The following RP1 variants were observed in gnomAD, a reference collection of about 807,000 sequenced individuals.
RP1 encodes RP1 axonemal microtubule associated, also known as oxygen-regulated protein 1.
In RP1, 16 loss-of-function variants were observed where a neutral mutation model predicts 14.8. The observed-to-expected ratio is 1.08, with a 90% CI of 0.73 to 1.65. The LOEUF (loss-of-function observed/expected upper bound fraction) is 1.65, where lower values mean the gene tolerates loss of function less well. Among genes scored for constraint, RP1 ranks in the 40% most tolerant of loss-of-function variants. The pLI, the probability that RP1 is intolerant of heterozygous loss-of-function variation, is 0.00. For synonymous variants in RP1, 876 were observed against 883.6 expected (o/e 0.99, Z 0.15); for missense variants, 2,631 against 2,535.0 (o/e 1.04, Z -0.81).
chr8:54,849,450 A>C (rs866510954), intron 25 of RP1, among the ~76,000 whole-genome samples: 16 of 152,124 alleles, frequency 1.1e-4, no homozygotes, highest in African/African-American at 3.9e-4. Flanking sequence ...GTGACATTTT[A>C]AATATATCCT....
intron 24 of RP1, among the ~76,000 whole-genome samples, chr8:54,802,972 GA>G (rs1810750079): frequency 6.6e-6 from 1 of 151,480 alleles, no homozygotes; most frequent in African/African-American, 2.4e-5. Flanking sequence ...AAGCTCAAGA[GA>G]GAAAAAAGCT....
intron 25 of RP1, among the ~76,000 whole-genome samples, chr8:54,843,717 C>G (rs186935585): frequency 1.3e-5 from 2 of 152,182 alleles, no homozygotes; most frequent in African/African-American, 4.8e-5. Context: ...GTCGCTCTGA[C>G]TGCAGAGCTC....
chr8:54,640,455 A>C (rs1012852484), intron 3 of RP1, among the ~76,000 whole-genome samples: 1 of 152,036 alleles, frequency 6.6e-6, no homozygotes, highest in South Asian at 2.1e-4. Flanking sequence ...AGGTTCTTTC[A>C]TTTTTCCTTT....
chr8:54,780,831 C>A (rs1011222662), intron 23 of RP1: 3 of 670,752 alleles, frequency 4.5e-6, no homozygotes, highest in Non-Finnish European at 5.5e-6. Context: ...TACTGAGGAA[C>A]AACTGTAGGC....
intron 12 of RP1, among the ~76,000 whole-genome samples, chr8:54,680,961 C>CAAA (rs111593126): frequency 8.2e-6 from 1 of 122,280 alleles, no homozygotes. Flanking sequence ...CTGTCTCGGA[C>CAAA]AAAAAAAAAA....
chr8:54,846,692 A>G (rs1050386440), intron 25 of RP1, among the ~76,000 whole-genome samples: 2 of 152,008 alleles, frequency 1.3e-5, no homozygotes, highest in Non-Finnish European at 2.9e-5. Context: ...GACCAATTCA[A>G]TATACTTTCT....
At position 54,616,207 on chromosome 8, in the gene RP1, G is replaced by A. The variant is rs1805711412; in HGVS notation, c.-13+5G>A. The stretch of plus-strand genomic sequence containing the variant: ...TAAGGGACGTTTCAAGTTGTGGTAA[G>A]TACAAAACTATTTGAAATCTTTCTT... On this transcript the variant is annotated splice_donor_5th_base_variant and intron_variant, in intron 1 of 3. Coordinates refer to ENST00000220676, the MANE Select transcript of RP1 (RefSeq NM_006269.2). 1 of 152,192 alleles carries A rather than the reference G, an allele frequency of 6.6e-6. No homozygotes were observed. Among genetic ancestry groups the A allele is most frequent in the Admixed American group, 6.5e-5 (1 of 15,280 alleles). 9.4% of individuals were successfully genotyped at this position (152,192 alleles called of 1,614,324 possible).
chr8:54,764,133 C>T (rs1167676619), intron 22 of RP1, among the ~76,000 whole-genome samples: 1 of 152,204 alleles, frequency 6.6e-6, no homozygotes, highest in African/African-American at 2.4e-5. Context: ...TCCACCGAAA[C>T]AATTGTGGGC....
chr8:54,690,494 T>C (rs1305769227), intron 12 of RP1, among the ~76,000 whole-genome samples: 1 of 152,030 alleles, frequency 6.6e-6, no homozygotes, highest in Non-Finnish European at 1.5e-5. Context: ...GAAATGGATG[T>C]GCTCTAAATT....
intron 1 of RP1, among the ~76,000 whole-genome samples, chr8:54,617,510 G>A (rs1805748226): frequency 6.6e-6 from 1 of 152,224 alleles, no homozygotes; most frequent in Admixed American, 6.5e-5. Flanking sequence ...GCACTGTATT[G>A]TCAAGACTTA....
chr8:54,762,612 T>C (rs1021609973), intron 22 of RP1, among the ~76,000 whole-genome samples: 11 of 152,252 alleles, frequency 7.2e-5, no homozygotes, highest in African/African-American at 2.7e-4. Context: ...ACTGACTTTA[T>C]GAATTAATGC....
At chr8:54,623,412 A>T (rs1805934771) in intron 3 of RP1, among the ~76,000 whole-genome samples, 1 of 152,192 alleles carries the variant, frequency 6.6e-6, no homozygotes, top group Admixed American at 6.5e-5. Context: ...ACTCTGCAAC[A>T]TTAAAGGGGC....
intron 1 of RP1, among the ~76,000 whole-genome samples, chr8:54,570,164 A>T (rs549751892): frequency 6.6e-6 from 1 of 152,142 alleles, no homozygotes; most frequent in South Asian, 2.1e-4. Context: ...CTCCCCTAAG[A>T]TGTGGAAAAC....
chr8:54,580,931 T>C (rs1804776247), intron 1 of RP1, among the ~76,000 whole-genome samples: 1 of 152,232 alleles, frequency 6.6e-6, no homozygotes, highest in African/African-American at 2.4e-5. Flanking sequence ...ATATACATTT[T>C]TAAGCCTTTG....
intron 24 of RP1, among the ~76,000 whole-genome samples, chr8:54,783,960 T>A (rs1383580838): frequency 6.6e-6 from 1 of 152,176 alleles, no homozygotes; most frequent in African/African-American, 2.4e-5. Context: ...TTAGAACATT[T>A]AAAAATTAGA....
intron 24 of RP1, among the ~76,000 whole-genome samples, chr8:54,801,158 G>C (rs1362624830): frequency 6.6e-6 from 1 of 152,174 alleles, no homozygotes; most frequent in African/African-American, 2.4e-5. Context: ...TTGCCAGAGA[G>C]TGTTTCTCAA....
At position 54,625,468 on chromosome 8, in the gene RP1, C is replaced by A; in HGVS notation, c.1586C>A (p.Ser529Ter). The A allele has an allele frequency of 6.2e-7, 1 of 1,613,744 alleles. No individual in the cohort carries two copies. The highest frequency in any genetic ancestry group is 8.5e-7 in the Non-Finnish European group (1 of 1,179,980). Reference protein sequence around the residue: ...QINNNDQMEESSLERKKENSL... With the variant: ...QINNNDQMEE ...AATAACAATGATCAAATGGAGGAGT[C>A]ATCATTAGAAAGAAAAAAGGAAAAC... is the stretch of plus-strand genomic sequence containing the variant. Residue 529 changes from serine (S) to a stop codon, truncating the protein, a stop_gained, in exon 4 of 4, where the codon TCA becomes TAA. Coordinates refer to ENST00000220676, the MANE Select transcript of RP1 (RefSeq NM_006269.2). LOFTEE classifies it low-confidence loss of function (END_TRUNC).
intron 1 of RP1, among the ~76,000 whole-genome samples, chr8:54,601,444 G>T: frequency 1.5e-5 from 2 of 133,366 alleles, no homozygotes; most frequent in East Asian, 2.7e-4. Flanking sequence ...AGGGGGGAGG[G>T]ATAGCATTGG....
chr8:54,699,596 A>G (rs1183064907), intron 13 of RP1: 1 of 1,088,782 alleles, frequency 9.2e-7, no homozygotes, highest in Non-Finnish European at 1.2e-6. Flanking sequence ...TCTTTTTGCC[A>G]TATATCAATA....
Sources: allele counts gnomAD v4.1 joint callset (sites outside exome capture counted in the v4.1 genomes callset), GRCh38; gene constraint gnomAD v4.1.1; transcripts MANE v1.5; gene names NCBI Gene and HGNC (gene_info 2026-07-23, HGNC 2026-07-21).